EZH2: variants seen among roughly 807,000 people sequenced by gnomAD.
EZH2 encodes the protein enhancer of zeste 2 polycomb repressive complex 2 subunit, also known as histone-lysine N-methyltransferase EZH2.
Under a neutral mutation model 98.4 loss-of-function variants are expected in EZH2, and 18 were observed. That is an observed-to-expected ratio of 0.18 (90% CI 0.13 to 0.27). EZH2 has a LOEUF of 0.27. Ranked by LOEUF, EZH2 falls within the 10% of genes least tolerant of loss-of-function variation. The probability of loss-of-function intolerance (pLI) is 1.00; values close to 1 mark genes in which losing one functional copy is unlikely to be tolerated. For synonymous variants in EZH2, 338 were observed against 312.3 expected, an observed-to-expected ratio of 1.08 and a Z score of -0.87; for missense variants, 470 against 935.1, an observed-to-expected ratio of 0.50 and a Z score of 6.49.
chr7:148,824,200 A>T (rs1337289186), intron 8 of EZH2, among the ~76,000 whole-genome samples: 2 of 138,880 alleles, frequency 1.4e-5, no homozygotes, highest in Non-Finnish European at 3.3e-5. Context: ...CTGTAATCCC[A>T]GCTACTCAGG....
intron 12 of EZH2, among the ~76,000 whole-genome samples, 187 bp downstream of exon 12, chr7:148,816,497 G>A (rs936132786): frequency 1.3e-5 from 2 of 152,196 alleles, no homozygotes; most frequent in Non-Finnish European, 2.9e-5. Flanking sequence ...ACTGAAGGCT[G>A]CTGTATTCTT....
Position 148,812,387 on chromosome 7 carries a change from A to C in EZH2, c.1852-667T>G, listed in dbSNP as rs927008177. Among the ~76,000 whole-genome samples the C allele has an allele frequency of 3.2e-4, 49 of 152,320 alleles. No homozygotes were observed. In the South Asian group the frequency reaches 5.4e-3, roughly 17 times the overall value. ...TATTTAGGGATGTGTTCCCCAACAT[A>C]TGCCAATTTTTCATCACGGCTCAGT... is the stretch of plus-strand genomic sequence containing the variant. On this transcript the variant is annotated intron_variant, in intron 15 of 19. Transcript: ENST00000320356.
At chr7:148,843,357 C>T (rs1334620656) in intron 3 of EZH2, among the ~76,000 whole-genome samples, 1 of 151,982 alleles carries the variant, frequency 6.6e-6, no homozygotes, top group Non-Finnish European at 1.5e-5. Flanking sequence ...GGCAACAGAG[C>T]AAGACCCTGT....
At chr7:148,861,728 T>C (rs953414515) in intron 1 of EZH2, among the ~76,000 whole-genome samples, 1 of 151,608 alleles carries the variant, frequency 6.6e-6, no homozygotes, top group African/African-American at 2.4e-5. Context: ...CCTAGCACTT[T>C]GCGGGGCTGA....
At chr7:148,855,255 G>A (rs1816621630) in intron 1 of EZH2, among the ~76,000 whole-genome samples, 1 of 152,202 alleles carries the variant, frequency 6.6e-6, no homozygotes, top group East Asian at 1.9e-4. Flanking sequence ...TACACACATG[G>A]GGCAAAGAAT....
Position 148,859,105 on chromosome 7 carries a change from G to A in EZH2, c.-7-11800C>T, listed in dbSNP as rs188642460. Among the ~76,000 whole-genome samples, 6 of 152,326 alleles carry A rather than the reference G, an allele frequency of 3.9e-5. 1 individual carries two copies. Among genetic ancestry groups the A allele is most frequent in the South Asian group, 2.1e-4 (1 of 4,826 alleles). On this transcript the variant is annotated intron_variant, in intron 1 of 19. Coordinates refer to ENST00000320356, the MANE Select transcript of EZH2 (RefSeq NM_004456.5). ...TTCATTAAGTCAACAAATATTTATT[G>A]AGCATCTAATACAAGCCAGAGACTA...
intron 3 of EZH2, among the ~76,000 whole-genome samples, chr7:148,836,426 T>C (rs1407699797): frequency 2.0e-5 from 3 of 152,234 alleles, no homozygotes; most frequent in Non-Finnish European, 2.9e-5. Context: ...TTCTTATTTA[T>C]TGACTTACAG....
intron 17 of EZH2, among the ~76,000 whole-genome samples, chr7:148,809,730 AGTTT>A (rs1198814905): frequency 1.3e-5 from 2 of 152,200 alleles, no homozygotes; most frequent in East Asian, 3.8e-4. Flanking sequence ...ATTTAAAATT[AGTTT>A]TTTTCATTAT....
At chr7:148,837,164 G>A (rs1193104383) in intron 3 of EZH2, among the ~76,000 whole-genome samples, 1 of 152,180 alleles carries the variant, frequency 6.6e-6, no homozygotes, top group East Asian at 1.9e-4. Context: ...TGGCCGTCCT[G>A]CCTCTGAATA....
At chr7:148,858,527 T>C (rs1396073943) in intron 1 of EZH2, among the ~76,000 whole-genome samples, 1 of 151,970 alleles carries the variant, frequency 6.6e-6, no homozygotes, top group Non-Finnish European at 1.5e-5. Context: ...ATTCTACTTT[T>C]TCAATTTTTT....
At position 148,884,230 on chromosome 7, in the gene EZH2, CG is replaced by C. The variant is rs1821487739; in HGVS notation, c.-75del. ...CCCCGCGCGCCGCCGCCGCCGCCGC[CG>C]GGGCTCCACTGCCTTCTGAGTCCCA... On this transcript the variant is annotated 5_prime_UTR_variant, in exon 1 of 20. Transcript: ENST00000320356. 5.7e-6 allele frequency: 1 copy of C among 175,436 alleles called. No homozygotes were observed. Among genetic ancestry groups the C allele is most frequent in the Non-Finnish European group, 1.2e-5 (1 of 81,668 alleles). The allele number at this position is 175,436 out of a possible 1,614,324, so 10.9% of individuals were successfully genotyped here. A position where few individuals can be genotyped will look rare whatever the true frequency, so the allele number is the denominator to read the frequency against.
At chr7:148,837,309 A>G (rs1774180307) in intron 3 of EZH2, among the ~76,000 whole-genome samples, 1 of 152,248 alleles carries the variant, frequency 6.6e-6, no homozygotes, top group Non-Finnish European at 1.5e-5. Context: ...TAAACTGTTG[A>G]CATTGTCTAA....
At chr7:148,843,505 T>A (rs1351458566) in intron 3 of EZH2, among the ~76,000 whole-genome samples, 3 of 152,004 alleles carry the variant, frequency 2.0e-5, no homozygotes, top group Non-Finnish European at 2.9e-5. Context: ...CCGACATTCT[T>A]TACCAAAATA....
In EZH2 at chr7:148,843,307, G is replaced by A. The variant is rs550995251; in HGVS notation, c.246+3163C>T. On this transcript the variant is annotated intron_variant, in intron 3 of 19. Coordinates refer to ENST00000320356, the MANE Select transcript of EZH2 (RefSeq NM_004456.5). ...GTGAGAGGATCGCCTGAGCCTGGGA[G>A]GTCAAGGCTGCTGTGATTGTACCAC... Among the ~76,000 whole-genome samples the A allele has an allele frequency of 2.6e-5, 4 of 152,046 alleles. No individual in the cohort carries two copies. The East Asian group carries it at 7.7e-4, about 29-fold the overall frequency.
At chr7:148,827,340 A>G (rs1314126441) in intron 6 of EZH2, 74 bp from the exon 7 acceptor site, 1 of 1,093,094 alleles carries the variant, frequency 9.1e-7, no homozygotes, top group Admixed American at 2.0e-5. Flanking sequence ...TCTCTACCCA[A>G]TTATGTCTCT....
intron 1 of EZH2, among the ~76,000 whole-genome samples, chr7:148,858,896 T>C (rs1429472574): frequency 6.7e-6 from 1 of 149,604 alleles, no homozygotes; most frequent in Non-Finnish European, 1.5e-5. Context: ...GGGAAGTAAC[T>C]GTGCCACTGA....
At chr7:148,863,942 G>C (rs749708647) in intron 1 of EZH2, among the ~76,000 whole-genome samples, 2 of 152,222 alleles carry the variant, frequency 1.3e-5, no homozygotes. Context: ...TGAAAGTACA[G>C]ATGAGAAAGC....
chr7:148,823,892 A>G (rs565095706), intron 8 of EZH2, among the ~76,000 whole-genome samples: 17 of 152,326 alleles, frequency 1.1e-4, no homozygotes, highest in Non-Finnish European at 1.3e-4. Flanking sequence ...ATAGCTAACA[A>G]GAGCCAGGTA....
chr7:148,864,902 G>A (rs1462693246), intron 1 of EZH2, among the ~76,000 whole-genome samples: 2 of 151,984 alleles, frequency 1.3e-5, no homozygotes, highest in East Asian at 1.9e-4. Flanking sequence ...CAAGGCGGGC[G>A]AATCACCTGA....
Sources: allele counts gnomAD v4.1 joint callset (sites outside exome capture counted in the v4.1 genomes callset), GRCh38; gene constraint gnomAD v4.1.1; transcripts MANE v1.5; gene names NCBI Gene and HGNC (gene_info 2026-07-23, HGNC 2026-07-21).